The following ANKFY1 variants were observed in gnomAD, a reference collection of about 807,000 sequenced individuals.
ANKFY1 encodes ankyrin repeat and FYVE domain containing 1.
In ANKFY1, 47 loss-of-function variants were observed where a neutral mutation model predicts 128.3. That is an observed-to-expected ratio of 0.37 (90% confidence interval 0.29 to 0.47). The LOEUF (loss-of-function observed/expected upper bound fraction) is 0.47. Ranked by LOEUF, ANKFY1 falls within the 20% of genes least tolerant of loss-of-function variation. ANKFY1 has a pLI of 1.00. For missense variants in ANKFY1, 1,222 were observed against 1,510.6 expected, an observed-to-expected ratio of 0.81 and a Z score of 3.17; for synonymous variants, 553 against 601.6, an observed-to-expected ratio of 0.92 and a Z score of 1.18.
At chr17:4,263,457 G>C (rs1424500011) in intron 1 of ANKFY1, 3 of 1,257,712 alleles carry the variant, frequency 2.4e-6, no homozygotes, top group Non-Finnish European at 3.2e-6. Context: ...GCTCGCTGCT[G>C]CCTCGCCCCC....
intron 22 of ANKFY1, 110 bp from the exon 23 acceptor site, chr17:4,170,971 T>C: frequency 2.0e-6 from 3 of 1,488,390 alleles, no homozygotes; most frequent in Non-Finnish European, 2.8e-6. Context: ...GCAGGAAATC[T>C]GTTCACAAAG....
intron 11 of ANKFY1, chr17:4,188,274 T>C (rs1395556453): frequency 1.3e-5 from 2 of 152,490 alleles, no homozygotes; most frequent in African/African-American, 4.8e-5. Context: ...TGCAGACACA[T>C]AGTGGAGTCA....
Position 4,167,746 on chromosome 17 carries a change from C to T in ANKFY1, c.*33G>A. 6.3e-7 allele frequency: 1 copy of T among 1,583,208 alleles called. No homozygotes were observed. ...GCAGAGCAGCTGCTGGGGAGGTGAC[C>T]AAGGACGTGGCCTGGACCCTCCGGG... On this transcript the variant is annotated 3_prime_UTR_variant, in exon 25 of 25. Coordinates refer to ENST00000341657, the MANE Select transcript of ANKFY1 (RefSeq NM_001330063.2). This position sits in a 1 kb window ranked among gnomAD's most constrained non-coding sequence, Gnocchi z 4.1.
At chr17:4,242,548 T>A in intron 1 of ANKFY1, 100 bp from the exon 2 acceptor site, 1 of 1,052,014 alleles carries the variant, frequency 9.5e-7, no homozygotes, top group Non-Finnish European at 1.3e-6. Context: ...CCAAAGTGAC[T>A]GGCCACTTGA....
chr17:4,262,158 C>T (rs1255448129), intron 1 of ANKFY1, among the ~76,000 whole-genome samples: 1 of 152,100 alleles, frequency 6.6e-6, no homozygotes, highest in Non-Finnish European at 1.5e-5. Context: ...GTGACCTAGT[C>T]TCTCTCTTTT....
chr17:4,179,159 G>C, intron 17 of ANKFY1, 102 bp from the exon 18 acceptor site: 2 of 1,239,972 alleles, frequency 1.6e-6, no homozygotes, highest in Non-Finnish European at 2.3e-6. Flanking sequence ...TATGAGAATC[G>C]ATCAATACTA....
chr17:4,215,810 G>A (rs1349535311), intron 4 of ANKFY1, among the ~76,000 whole-genome samples: 1 of 152,104 alleles, frequency 6.6e-6, no homozygotes, highest in Non-Finnish European at 1.5e-5. Flanking sequence ...AGTCTGACAA[G>A]GTCAACAGGA....
intron 3 of ANKFY1, among the ~76,000 whole-genome samples, chr17:4,227,293 T>C (rs879634208): frequency 5.3e-5 from 8 of 152,170 alleles, no homozygotes; most frequent in Non-Finnish European, 1.2e-4. Context: ...ATGATTACTG[T>C]TGTAAAATTT....
At chr17:4,207,164 CCA>C (rs1160380348) in intron 6 of ANKFY1, among the ~76,000 whole-genome samples, 1 of 150,094 alleles carries the variant, frequency 6.7e-6, no homozygotes, top group Non-Finnish European at 1.5e-5. Flanking sequence ...ACCCGTCTAA[CCA>C]CAGAGGGCCC....
intron 1 of ANKFY1, among the ~76,000 whole-genome samples, chr17:4,261,962 T>C (rs550790023): frequency 6.6e-6 from 1 of 152,162 alleles, no homozygotes; most frequent in Non-Finnish European, 1.5e-5. Context: ...CTTTTCTTAC[T>C]CCTCTGCCTT....
chr17:4,228,411 T>C (rs906648647), intron 3 of ANKFY1, among the ~76,000 whole-genome samples: 2 of 142,334 alleles, frequency 1.4e-5, no homozygotes, highest in East Asian at 4.0e-4. Context: ...GAAATGTTTT[T>C]TGTTAGTTTT....
chr17:4,193,364 T>TCCC (rs1459787654), intron 10 of ANKFY1, among the ~76,000 whole-genome samples: 1 of 145,258 alleles, frequency 6.9e-6, no homozygotes, highest in Admixed American at 6.9e-5. Context: ...CAAGCAATCC[T>TCCC]CCCACATCAG....
At position 4,260,095 on chromosome 17, in the gene ANKFY1, C is replaced by A. The variant is rs1347018477; in HGVS notation, c.10+3837G>T. ...TCGAAGTGTTAAGTGGGGCCCACAC[C>A]CTGTTAATACTTAACAGAGAACTGG... On this transcript the variant is annotated intron_variant, in intron 1 of 24. Coordinates refer to ENST00000341657, the MANE Select transcript of ANKFY1 (RefSeq NM_001330063.2). 4.6e-5 allele frequency among the ~76,000 whole-genome samples: 7 copies of A among 152,020 alleles called. No individual in the cohort carries two copies. The East Asian group carries it at 1.3e-3, about 29-fold the overall frequency.
At chr17:4,170,915 C>T in intron 22 of ANKFY1, 54 bp from the exon 23 acceptor site, 2 of 1,612,450 alleles carry the variant, frequency 1.2e-6, no homozygotes, top group South Asian at 2.2e-5. Context: ...AGCCCGGCAG[C>T]CACAGACGGA....
At chr17:4,214,831 T>A (rs1185820501) in intron 4 of ANKFY1, among the ~76,000 whole-genome samples, 1 of 152,074 alleles carries the variant, frequency 6.6e-6, no homozygotes, top group Admixed American at 6.6e-5. Context: ...GAAAAAAAAA[T>A]TATTGAAAAG....
chr17:4,262,644 G>A (rs1968484291), intron 1 of ANKFY1, among the ~76,000 whole-genome samples: 2 of 151,910 alleles, frequency 1.3e-5, no homozygotes, highest in African/African-American at 4.8e-5. Flanking sequence ...CTACTCAGGA[G>A]GCTGAGGCAG....
chr17:4,222,784 T>C, intron 3 of ANKFY1: 1 of 1,007,230 alleles, frequency 9.9e-7, no homozygotes, highest in Non-Finnish European at 1.6e-6. Context: ...CTTCATAGTA[T>C]GAAAAGGGTT....
chr17:4,177,512 G>A (rs573993811), intron 18 of ANKFY1, among the ~76,000 whole-genome samples: 35 of 152,196 alleles, frequency 2.3e-4, no homozygotes, highest in African/African-American at 6.7e-4. Flanking sequence ...CCAGGTGTGC[G>A]TGGCCACACC....
At chr17:4,168,445 A>G (rs539040520) in intron 24 of ANKFY1, among the ~76,000 whole-genome samples, 3 of 151,838 alleles carry the variant, frequency 2.0e-5, no homozygotes, top group Admixed American at 6.6e-5. Flanking sequence ...GAGCAAGACT[A>G]TGTCTCAAAA....
Sources: gnomAD v4.1 joint callset for allele counts (sites outside exome capture counted in the v4.1 genomes callset) on GRCh38, gnomAD v4.1.1 for gene constraint, Gnocchi (gnomAD v3.1) non-coding constraint, MANE v1.5 for transcripts, NCBI Gene and HGNC (gene_info 2026-07-23, HGNC 2026-07-21) for gene names.